NEGR1: variants seen among roughly 807,000 people sequenced by gnomAD.
NEGR1 encodes the protein IgLON family member 4.
NEGR1 carries 10 observed loss-of-function variants against 40.9 expected under a neutral mutation model. The observed-to-expected ratio is 0.24, with a 90% CI of 0.15 to 0.42. The LOEUF (loss-of-function observed/expected upper bound fraction) is 0.42. Among genes scored for constraint, NEGR1 ranks in the 10% least tolerant of loss-of-function variants. NEGR1 has a pLI of 1.00. For synonymous variants in NEGR1, 185 were observed against 166.8 expected, an observed-to-expected ratio of 1.11 and a Z score of -0.84; for missense variants, 352 against 438.9, an observed-to-expected ratio of 0.80 and a Z score of 1.77.
chr1:71,737,346 CT>C (rs199666300), intron 3 of NEGR1, among the ~76,000 whole-genome samples: 4,511 of 138,210 alleles, frequency 0.033, 101 homozygotes, highest in African/African-American at 0.076. Context: ...AGAAAACAGC[CT>C]TTTTTTTTTT....
At chr1:71,986,362 T>C (rs1646393890) in intron 1 of NEGR1, among the ~76,000 whole-genome samples, 1 of 152,162 alleles carries the variant, frequency 6.6e-6, no homozygotes, top group Non-Finnish European at 1.5e-5. Flanking sequence ...AATGTTTAAG[T>C]TTTCGTTTCT....
intron 1 of NEGR1, among the ~76,000 whole-genome samples, chr1:72,117,864 G>T (rs1178625617): frequency 6.6e-6 from 1 of 151,674 alleles, no homozygotes; most frequent in African/African-American, 2.4e-5. Flanking sequence ...AGAAACTGCA[G>T]CCAAATGTTA....
intron 1 of NEGR1, among the ~76,000 whole-genome samples, chr1:72,203,737 C>A (rs1653295787): frequency 6.6e-6 from 1 of 151,966 alleles, no homozygotes; most frequent in Admixed American, 6.6e-5. Context: ...CTTCATTATC[C>A]TCTTATTTGA....
At chr1:72,071,154 T>C (rs939529412) in intron 1 of NEGR1, among the ~76,000 whole-genome samples, 1 of 151,762 alleles carries the variant, frequency 6.6e-6, no homozygotes, top group Non-Finnish European at 1.5e-5. Context: ...AAAATCCAAA[T>C]GGAACTGCTA....
At chr1:71,846,048 G>C (rs1659396952) in intron 2 of NEGR1, among the ~76,000 whole-genome samples, 1 of 151,580 alleles carries the variant, frequency 6.6e-6, no homozygotes, top group South Asian at 2.1e-4. Flanking sequence ...ACAGGCATGG[G>C]CCACCACCCC....
chr1:71,722,658 T>G (rs539264050), intron 3 of NEGR1, among the ~76,000 whole-genome samples: 1 of 152,278 alleles, frequency 6.6e-6, no homozygotes, highest in Non-Finnish European at 1.5e-5. Context: ...TTTATTTCTT[T>G]ACTTAGCTAC....
intron 3 of NEGR1, among the ~76,000 whole-genome samples, chr1:71,710,692 C>T (rs1427104870): frequency 6.6e-6 from 1 of 151,800 alleles, no homozygotes; most frequent in Non-Finnish European, 1.5e-5. Flanking sequence ...AATAAAAACA[C>T]CAGAACTTGT....
intron 6 of NEGR1, among the ~76,000 whole-genome samples, chr1:71,451,995 T>G (rs1646632888): frequency 6.6e-6 from 1 of 152,156 alleles, no homozygotes; most frequent in African/African-American, 2.4e-5. Flanking sequence ...TCAAAATTAA[T>G]AGCTAAATTA....
intron 2 of NEGR1, among the ~76,000 whole-genome samples, chr1:71,825,966 C>T (rs1658606922): frequency 6.6e-6 from 1 of 151,870 alleles, no homozygotes; most frequent in Non-Finnish European, 1.5e-5. Flanking sequence ...CTGTCTCTCA[C>T]ATATAGAATT....
chr1:71,592,314 G>C (rs1649529336), intron 6 of NEGR1, among the ~76,000 whole-genome samples: 2 of 151,832 alleles, frequency 1.3e-5, no homozygotes, highest in South Asian at 4.2e-4. Flanking sequence ...ATACAATTTT[G>C]AGTAAAAATA....
intron 1 of NEGR1, among the ~76,000 whole-genome samples, chr1:71,965,109 C>T (rs886546205): frequency 2.6e-5 from 4 of 152,078 alleles, no homozygotes; most frequent in Non-Finnish European, 4.4e-5. Flanking sequence ...ATAAAATAAT[C>T]GAGGGTCACA....
At chr1:72,200,844 TTCAGAAAGAG>T (rs1653180091) in intron 1 of NEGR1, among the ~76,000 whole-genome samples, 1 of 151,970 alleles carries the variant, frequency 6.6e-6, no homozygotes, top group African/African-American at 2.4e-5. Context: ...AAAGAATGTG[TTCAGAAAGAG>T]TGTATTTTAT....
chr1:71,582,420 A>G (rs1007506691), intron 6 of NEGR1, among the ~76,000 whole-genome samples: 3 of 152,252 alleles, frequency 2.0e-5, no homozygotes, highest in South Asian at 2.1e-4. Flanking sequence ...ATAACCATAT[A>G]TATATTTTTT....
chr1:72,064,491 G>T (rs1647229754), intron 1 of NEGR1, among the ~76,000 whole-genome samples: 1 of 152,034 alleles, frequency 6.6e-6, no homozygotes, highest in Non-Finnish European at 1.5e-5. Flanking sequence ...CAGCCGCTGG[G>T]ATCAAATCAG....
intron 1 of NEGR1, among the ~76,000 whole-genome samples, chr1:72,063,928 T>C (rs1438837301): frequency 6.6e-6 from 1 of 151,970 alleles, no homozygotes; most frequent in Non-Finnish European, 1.5e-5. Context: ...AAGTAGTTTT[T>C]GACAGCTTCC....
chr1:72,127,336 C>T (rs531065691), intron 1 of NEGR1, among the ~76,000 whole-genome samples: 210 of 151,404 alleles, frequency 1.4e-3, no homozygotes, highest in Middle Eastern at 6.8e-3. Context: ...TGGTGGCGGG[C>T]GCCTGTAGTC....
At chr1:72,246,859 T>C (rs986407749) in intron 1 of NEGR1, among the ~76,000 whole-genome samples, 2 of 152,228 alleles carry the variant, frequency 1.3e-5, no homozygotes, top group Non-Finnish European at 2.9e-5. Context: ...GGCTTTCTCA[T>C]ATATCCTCTG....
At chr1:71,859,397 C>G (rs1659876734) in intron 2 of NEGR1, among the ~76,000 whole-genome samples, 1 of 152,014 alleles carries the variant, frequency 6.6e-6, no homozygotes. Context: ...TGACCATTCT[C>G]TCTAAAACAC....
At chr1:71,888,236 G>C (rs1194686076) in intron 2 of NEGR1, among the ~76,000 whole-genome samples, 3 of 152,146 alleles carry the variant, frequency 2.0e-5, no homozygotes, top group African/African-American at 7.2e-5. Flanking sequence ...AATAGGAACA[G>C]CTCCAGTCTA....
Sources: allele counts gnomAD v4.1 joint callset (sites outside exome capture counted in the v4.1 genomes callset), GRCh38; gene constraint gnomAD v4.1.1; transcripts MANE v1.5; gene names NCBI Gene and HGNC (gene_info 2026-07-23, HGNC 2026-07-21).